The following UTRN variants were observed in gnomAD, a reference collection of about 807,000 sequenced individuals.
The protein encoded by UTRN is utrophin, also known as dystrophin-related protein 1.
A neutral mutation model predicts 463.9 loss-of-function variants in UTRN; 283 were observed. That is an observed-to-expected ratio of 0.61 (90% CI 0.55 to 0.67). The LOEUF (loss-of-function observed/expected upper bound fraction) is 0.67. Among genes scored for constraint, UTRN ranks in the 30% least tolerant of loss-of-function variants. UTRN has a pLI of 0.00. For missense variants in UTRN, 3,922 were observed against 4,084.3 expected, an observed-to-expected ratio of 0.96 and a Z score of 1.08; for synonymous variants, 1,442 against 1,431.5, an observed-to-expected ratio of 1.01 and a Z score of -0.17.
chr6:144,810,996 G>A, intron 65 of UTRN, among the ~76,000 whole-genome samples: 1 of 151,988 alleles, frequency 6.6e-6, no homozygotes, highest in South Asian at 2.1e-4. Context: ...TAATATGTAG[G>A]GAAATAAACC....
intron 58 of UTRN, among the ~76,000 whole-genome samples, chr6:144,764,480 C>G (rs76576934): frequency 0.012 from 1,875 of 152,246 alleles, 36 homozygotes; most frequent in African/African-American, 0.042. Flanking sequence ...TTACCCAACT[C>G]TATTGCATTA....
chr6:144,837,943 T>C (rs1301986366), intron 71 of UTRN, among the ~76,000 whole-genome samples: 1 of 152,142 alleles, frequency 6.6e-6, no homozygotes. Context: ...CTTCGGAATG[T>C]TTGAGTCTTA....
chr6:144,700,046 T>G, intron 52 of UTRN, 41 bp from the exon 53 acceptor site: 1 of 1,532,834 alleles, frequency 6.5e-7, no homozygotes, highest in East Asian at 2.3e-5. Flanking sequence ...TAATTTGCAT[T>G]TCTAAATGTG....
intron 73 of UTRN, among the ~76,000 whole-genome samples, chr6:144,842,806 C>T (rs1385471655): frequency 6.6e-6 from 1 of 151,818 alleles, no homozygotes; most frequent in South Asian, 2.1e-4. Context: ...CCACACCCAC[C>T]TCCCCACCTC....
rs755878531 is a variant in UTRN at position 144,827,380 on chromosome 6, A to G, written c.9527A>G (p.His3176Arg). 5.6e-6 allele frequency: 9 copies of G among 1,613,452 alleles called. No homozygotes were observed. Among genetic ancestry groups the G allele is most frequent in the Non-Finnish European group, 1.7e-6 (2 of 1,179,654 alleles). Reference protein sequence around the residue: ...PITLISMWPEHYDPSQSPQLF... With the variant: ...PITLISMWPERYDPSQSPQLF... ...ACACTCATCAGTATGTGGCCAGAGC[A>G]CTATGAGTGAGTATTCATAGCCCAC... Residue 3176 changes from histidine to arginine, a missense_variant, in exon 67 of 75, where the codon CAC (histidine) becomes CGC (arginine). His to Arg is a conservative substitution (Grantham distance 29). Transcript: ENST00000367545.
intron 54 of UTRN, among the ~76,000 whole-genome samples, chr6:144,736,834 C>T (rs1425955307): frequency 1.3e-5 from 2 of 152,190 alleles, no homozygotes; most frequent in Admixed American, 6.5e-5. Flanking sequence ...CTCCTCACTA[C>T]ATTCTGCAGG....
At position 144,557,201 on chromosome 6, in the gene UTRN, G is replaced by T. The variant is rs2293536; in HGVS notation, c.7179G>T (p.Ala2393=). The T allele has an allele frequency of 0.071, 114,038 of 1,613,752 alleles. 10,635 individuals carry two copies. The highest frequency in any genetic ancestry group is 0.54 in the East Asian group (24,230 of 44,820). ...ELGPGDGIVM[A]FDNVLQKLLE... ...GTCCTGGAGATGGTATCGTCATGGC[G>T]TTCGATAACGTCCTGCAGAAACTCC... is the stretch of plus-strand genomic sequence containing the variant. Residue 2393 remains alanine (A), a synonymous_variant, in exon 50 of 75, where the codon GCG becomes GCT. Coordinates refer to ENST00000367545, the MANE Select transcript of UTRN (RefSeq NM_007124.3).
intron 69 of UTRN, among the ~76,000 whole-genome samples, chr6:144,829,159 A>G: frequency 6.6e-6 from 1 of 152,206 alleles, no homozygotes; most frequent in African/African-American, 2.4e-5. Context: ...CATTTGTCTT[A>G]TATTTCTTAT....
intron 2 of UTRN, among the ~76,000 whole-genome samples, chr6:144,343,185 A>G (rs1777276613): frequency 6.6e-6 from 1 of 152,208 alleles, no homozygotes; most frequent in African/African-American, 2.4e-5. Flanking sequence ...GCTAATAAGT[A>G]GAAGATTTCT....
intron 2 of UTRN, among the ~76,000 whole-genome samples, chr6:144,327,405 G>A (rs1776041399): frequency 6.6e-6 from 1 of 152,090 alleles, no homozygotes. Context: ...ACCAGGGCCT[G>A]CTGGCTGCCC....
chr6:144,729,979 T>C (rs1357227207), intron 53 of UTRN, among the ~76,000 whole-genome samples: 1 of 152,250 alleles, frequency 6.6e-6, no homozygotes, highest in African/African-American at 2.4e-5. Flanking sequence ...TCATTGGATG[T>C]AATTTTTTTG....
chr6:144,287,961 T>C (rs1803851242), intron 1 of UTRN, among the ~76,000 whole-genome samples: 1 of 152,246 alleles, frequency 6.6e-6, no homozygotes, highest in Non-Finnish European at 1.5e-5. Context: ...CCCTCCATTT[T>C]ATAGGTGTGG....
At chr6:144,544,259 C>A (rs1798214816) in intron 46 of UTRN, among the ~76,000 whole-genome samples, 1 of 152,132 alleles carries the variant, frequency 6.6e-6, no homozygotes, top group South Asian at 2.1e-4. Context: ...TTCTTTTTAA[C>A]ATTTTATTTA....
chr6:144,616,935 G>A (rs1806181503), intron 51 of UTRN, among the ~76,000 whole-genome samples: 1 of 152,094 alleles, frequency 6.6e-6, no homozygotes, highest in African/African-American at 2.4e-5. Context: ...GACTATTTGT[G>A]GCCTTTATTG....
chr6:144,385,871 G>A (rs1387378361), intron 2 of UTRN, among the ~76,000 whole-genome samples: 3 of 151,976 alleles, frequency 2.0e-5, no homozygotes, highest in African/African-American at 4.8e-5. Context: ...ACCACACCTG[G>A]CTAATTTTTG....
rs1161123356 is a variant in UTRN, at chr6:144,610,492, A to C, written c.7479+33204A>C. On this transcript the variant is annotated intron_variant, in intron 51 of 74. Coordinates refer to ENST00000367545, the MANE Select transcript of UTRN (RefSeq NM_007124.3). The stretch of plus-strand genomic sequence containing the variant: ...CCTCTACTGAAATCTACCAAATATT[A>C]ATGAAGAACTAATACCAATTCTAAG... 2.0e-5 allele frequency among the ~76,000 whole-genome samples: 3 copies of C among 152,310 alleles called. No homozygotes were observed. The East Asian group carries it at 5.8e-4, about 29-fold the overall frequency.
In UTRN at chr6:144,493,300, G is replaced by C; in HGVS notation, c.4438-1G>C. On this transcript the variant is annotated splice_acceptor_variant, in intron 32 of 74. Coordinates refer to ENST00000367545, the MANE Select transcript of UTRN (RefSeq NM_007124.3). LOFTEE classifies it high-confidence loss of function. ...TGTCTTTTTCTTTGTTTGTTTTAAA[G>C]AAACTGTATAAAACTTTGAGTGAAG... The C allele has an allele frequency of 4.3e-6, 7 of 1,613,530 alleles. No individual in the cohort carries two copies. The highest frequency in any genetic ancestry group is 5.9e-6 in the Non-Finnish European group (7 of 1,179,716).
At chr6:144,694,829 T>C (rs953240767) in intron 52 of UTRN, among the ~76,000 whole-genome samples, 8 of 152,182 alleles carry the variant, frequency 5.3e-5, no homozygotes, top group African/African-American at 1.7e-4. Flanking sequence ...TCATTTTTTT[T>C]CAAAAACCCA....
Position 144,359,502 on chromosome 6 carries a change from C to G in UTRN, c.80-43621C>G, listed in dbSNP as rs1468257981. ...GGATGAGAGGTTAGTTTTAGGGTTT[C>G]TGATACGCCCTTCAGAGGACTGTAA... On this transcript the variant is annotated intron_variant, in intron 2 of 74. Transcript: ENST00000367545. Among the ~76,000 whole-genome samples, 9 of 152,296 alleles carry G rather than the reference C, an allele frequency of 5.9e-5. No individual in the cohort carries two copies. The East Asian group carries it at 1.7e-3, about 29-fold the overall frequency.
Sources: gnomAD v4.1 joint callset for allele counts (sites outside exome capture counted in the v4.1 genomes callset) on GRCh38, gnomAD v4.1.1 for gene constraint, MANE v1.5 for transcripts, NCBI Gene and HGNC (gene_info 2026-07-23, HGNC 2026-07-21) for gene names.